ITGA9: variants seen among roughly 807,000 people sequenced by gnomAD.
ITGA9 encodes the protein integrin subunit alpha 9, also known as integrin alpha-9.
A neutral mutation model predicts 127.8 loss-of-function variants in ITGA9; 56 were observed. That is an observed-to-expected ratio of 0.44 (90% confidence interval 0.35 to 0.55). ITGA9 has a LOEUF of 0.55. Among genes scored for constraint, ITGA9 ranks in the 20% least tolerant of loss-of-function variants. The pLI, the probability that ITGA9 is intolerant of heterozygous loss-of-function variation, is 0.00. For synonymous variants in ITGA9, 508 were observed against 514.5 expected, an observed-to-expected ratio of 0.99 and a Z score of 0.17; for missense variants, 1,196 against 1,347.1, an observed-to-expected ratio of 0.89 and a Z score of 1.76.
chr3:37,736,234 G>T (rs1696359982), intron 19 of ITGA9, among the ~76,000 whole-genome samples: 1 of 152,100 alleles, frequency 6.6e-6, no homozygotes, highest in African/African-American at 2.4e-5. Context: ...TTGAGGAGTG[G>T]CGGGGGGACA....
At chr3:37,572,889 C>T (rs1699615972) in intron 15 of ITGA9, among the ~76,000 whole-genome samples, 2 of 152,174 alleles carry the variant, frequency 1.3e-5, no homozygotes, top group South Asian at 2.1e-4. Flanking sequence ...GCCTGAAAAG[C>T]ATGATGGAGT....
rs780559979 is a variant in ITGA9, at chr3:37,729,359, C to T, written c.2068-3353C>T. 2.6e-4 allele frequency among the ~76,000 whole-genome samples: 40 copies of T among 152,124 alleles called. 1 individual carries two copies. Among genetic ancestry groups the T allele is most frequent in the Non-Finnish European group, 1.6e-4 (11 of 68,022 alleles). ...GAGCACATGAGTCATGAACCATAAG[C>T]TCAGCTCTCTTGTTCCTAGAGATGA... On this transcript the variant is annotated intron_variant, in intron 18 of 27. Transcript: ENST00000264741.
At chr3:37,552,434 A>G (rs1473432691) in intron 15 of ITGA9, among the ~76,000 whole-genome samples, 1 of 145,516 alleles carries the variant, frequency 6.9e-6, no homozygotes, top group Admixed American at 6.7e-5. Context: ...ATTGTTAGAG[A>G]AAATCATTAT....
chr3:37,529,290 A>G (rs937913113), intron 13 of ITGA9, among the ~76,000 whole-genome samples: 1 of 152,158 alleles, frequency 6.6e-6, no homozygotes, highest in African/African-American at 2.4e-5. Context: ...AGATGGTGGT[A>G]GGTGCTGTGA....
chr3:37,701,618 T>G (rs369939403), intron 18 of ITGA9, among the ~76,000 whole-genome samples: 109 of 152,304 alleles, frequency 7.2e-4, no homozygotes, highest in South Asian at 7.1e-3. Flanking sequence ...GGCCTGTTGT[T>G]TGCAGGGGCA....
intron 16 of ITGA9, among the ~76,000 whole-genome samples, chr3:37,632,535 A>T (rs1700238401): frequency 6.6e-6 from 1 of 152,206 alleles, no homozygotes; most frequent in African/African-American, 2.4e-5. Context: ...AGGGGGAGAA[A>T]ATTATGTAAT....
At position 37,452,514 on chromosome 3, in the gene ITGA9, T is replaced by C; in HGVS notation, c.140T>C (p.Phe47Ser). 1 of 1,527,612 alleles carries C rather than the reference T, an allele frequency of 6.5e-7. No individual in the cohort carries two copies. Among genetic ancestry groups the C allele is most frequent in the Admixed American group, 2.0e-5 (1 of 49,426 alleles). The allele number at this position is 1,527,612 out of a possible 1,614,324, so 94.6% of individuals were successfully genotyped here. ...CACTTCCAGGGCCCCGCTGACTCGT[T>C]CTTCGGCTACGCAGTTCTGGAGCAT... The part of the protein sequence containing the change: ...PVHFQGPADS[F>S]FGYAVLEHFH... Residue 47 changes from phenylalanine (F) to serine (S), a missense_variant, in exon 1 of 28, where the codon TTC (phenylalanine) becomes TCC (serine). Transcript: ENST00000264741. This position sits in a 1 kb window ranked among gnomAD's most constrained non-coding sequence, Gnocchi z 7.3.
At chr3:37,598,403 A>C (rs1359763462) in intron 15 of ITGA9, among the ~76,000 whole-genome samples, 1 of 152,128 alleles carries the variant, frequency 6.6e-6, no homozygotes, top group Non-Finnish European at 1.5e-5. Context: ...TTTTGCTGGC[A>C]CTGGGGAGCC....
chr3:37,701,806 C>T (rs1700949367), intron 18 of ITGA9, among the ~76,000 whole-genome samples: 1 of 152,194 alleles, frequency 6.6e-6, no homozygotes, highest in Non-Finnish European at 1.5e-5. Context: ...CTTTTTCACT[C>T]ACTCTTCTTT....
At chr3:37,764,466 T>TAAAAAAAAA (rs10694316) in intron 23 of ITGA9, among the ~76,000 whole-genome samples, 2 of 74,652 alleles carry the variant, frequency 2.7e-5, no homozygotes, top group Admixed American at 3.5e-4. Context: ...AGATTCTCAG[T>TAAAAAAAAA]AAAAAAAAAA....
intron 17 of ITGA9, among the ~76,000 whole-genome samples, chr3:37,665,489 G>T (rs549186942): frequency 6.6e-6 from 1 of 151,388 alleles, no homozygotes; most frequent in East Asian, 2.0e-4. Context: ...TCACTTTGTT[G>T]CCCAGGCTGG....
chr3:37,780,534 GTA>G (rs35992243), intron 25 of ITGA9, among the ~76,000 whole-genome samples: 69,254 of 151,016 alleles, frequency 0.46, 15,876 homozygotes, highest in East Asian at 0.52. Flanking sequence ...GTGTGTGTGT[GTA>G]TATATATATA....
At chr3:37,622,254 A>AT (rs1209803753) in intron 15 of ITGA9, among the ~76,000 whole-genome samples, 68 of 151,414 alleles carry the variant, frequency 4.5e-4, no homozygotes, top group African/African-American at 1.6e-3. Context: ...GGCCTGGCTA[A>AT]TTTTTTTGTA....
chr3:37,801,708 C>T (rs1697237212), intron 26 of ITGA9, among the ~76,000 whole-genome samples: 1 of 152,184 alleles, frequency 6.6e-6, no homozygotes, highest in African/African-American at 2.4e-5. Flanking sequence ...ATGATGCTAA[C>T]AGGAACACTC....
chr3:37,790,148 G>A (rs1697090852), intron 26 of ITGA9: 2 of 566,032 alleles, frequency 3.5e-6, no homozygotes, highest in Non-Finnish European at 6.9e-6. Context: ...ATATCAAAGT[G>A]ATGACCTTTC....
intron 16 of ITGA9, among the ~76,000 whole-genome samples, chr3:37,636,832 G>C (rs1442793137): frequency 6.6e-6 from 1 of 151,876 alleles, no homozygotes; most frequent in Non-Finnish European, 1.5e-5. Context: ...AAGGGATCCA[G>C]TTTCAGCTTT....
chr3:37,556,653 C>T (rs1383706767), intron 15 of ITGA9, among the ~76,000 whole-genome samples: 4 of 152,312 alleles, frequency 2.6e-5, no homozygotes, highest in Middle Eastern at 3.4e-3. Flanking sequence ...TAGCAAGCTC[C>T]CTGGTGACGC....
rs1700306158 is a variant in ITGA9, at chr3:37,638,898, A to T, written c.1839+9562A>T. Among the ~76,000 whole-genome samples, 4 of 152,208 alleles carry T rather than the reference A, an allele frequency of 2.6e-5. No individual in the cohort carries two copies. The South Asian group carries it at 8.3e-4, about 32-fold the overall frequency. Reference sequence around the variant, plus strand: ...TGAGGCTTTTTGCTATGAGTTAGGAATGTGCAGGACAGGCAGGAGACCAAG... The same window carrying T: ...TGAGGCTTTTTGCTATGAGTTAGGATTGTGCAGGACAGGCAGGAGACCAAG... On this transcript the variant is annotated intron_variant, in intron 16 of 27. Transcript: ENST00000264741.
intron 25 of ITGA9, among the ~76,000 whole-genome samples, chr3:37,784,017 A>T (rs1575236131): frequency 6.6e-6 from 1 of 152,312 alleles, no homozygotes; most frequent in Middle Eastern, 3.4e-3. Context: ...GGTGGCATTT[A>T]AGTGTAAGCT....
Sources: gnomAD v4.1 joint callset for allele counts (sites outside exome capture counted in the v4.1 genomes callset) on GRCh38, gnomAD v4.1.1 for gene constraint, Gnocchi (gnomAD v3.1) non-coding constraint, MANE v1.5 for transcripts, NCBI Gene and HGNC (gene_info 2026-07-23, HGNC 2026-07-21) for gene names.